Variants in RGS6 observed in about 807,000 individuals in gnomAD.
The protein encoded by RGS6 is regulator of G protein signaling 6, also known as regulator of G-protein signaling 6.
Under a neutral mutation model 78.5 loss-of-function variants are expected in RGS6, and 30 were observed. The observed-to-expected ratio is 0.38, with a 90% CI of 0.29 to 0.52. The LOEUF (loss-of-function observed/expected upper bound fraction) is 0.52. RGS6 is among the 20% of genes least tolerant of loss of function. The pLI is 0.85. For synonymous variants in RGS6, 206 were observed against 206.0 expected, an observed-to-expected ratio of 1.00 and a Z score of 0.00; for missense variants, 495 against 609.7, an observed-to-expected ratio of 0.81 and a Z score of 1.98.
the RGS6 span, among the ~76,000 whole-genome samples, chr14:71,907,405 T>C: frequency 2.0e-4 from 30 of 152,196 alleles, no homozygotes; most frequent in Non-Finnish European, 4.1e-4. Context: ...GCTGAGGCCC[T>C]GTGGGGCTGG....
intron 2 of RGS6, among the ~76,000 whole-genome samples, chr14:72,042,659 T>C (rs1004293485): frequency 3.3e-5 from 5 of 151,954 alleles, no homozygotes; most frequent in South Asian, 2.1e-4. Context: ...TTTTTTTTCA[T>C]GTTAAACATT....
rs137938126 is a variant in RGS6 at position 72,394,486 on chromosome 14, G to A, written c.184+42292G>A. On this transcript the variant is annotated intron_variant, in intron 3 of 17. Coordinates refer to ENST00000553525, the MANE Select transcript of RGS6 (RefSeq NM_001204424.2). ...CGTAAAAGACAGACATTCCTAGAGC[G>A]GCCATTTTAGAGACCTCCCACTAAG... 1.8e-3 allele frequency among the ~76,000 whole-genome samples: 276 copies of A among 152,202 alleles called. 1 individual carries two copies. Among genetic ancestry groups the A allele is most frequent in the African/African-American group, 6.2e-3 (258 of 41,516 alleles).
the RGS6 span, among the ~76,000 whole-genome samples, chr14:72,626,298 C>T: frequency 3.3e-5 from 5 of 152,048 alleles, no homozygotes; most frequent in African/African-American, 4.8e-5. Context: ...TTTTCTCTAC[C>T]CCATTCTCCC....
At chr14:72,027,704 A>G (rs2090141954) in intron 2 of RGS6, among the ~76,000 whole-genome samples, 1 of 152,208 alleles carries the variant, frequency 6.6e-6, no homozygotes. Context: ...CCTGCCCAAG[A>G]CAGAGTGGAG....
chr14:71,987,750 G>T (rs1482540932), intron 2 of RGS6, among the ~76,000 whole-genome samples: 1 of 151,922 alleles, frequency 6.6e-6, no homozygotes, highest in African/African-American at 2.4e-5. Context: ...TGAACTCCTG[G>T]GCTCAAGTAT....
the RGS6 span, among the ~76,000 whole-genome samples, chr14:72,574,391 C>A: frequency 6.6e-6 from 1 of 152,278 alleles, no homozygotes; most frequent in Admixed American, 6.5e-5. Flanking sequence ...AGTGACCACC[C>A]CAGCAACTGG....
intron 1 of RGS6, among the ~76,000 whole-genome samples, chr14:71,938,563 C>T (rs533069127): frequency 4.6e-5 from 7 of 152,274 alleles, no homozygotes; most frequent in East Asian, 1.9e-4. Context: ...CCCATGAGGC[C>T]GTGGGTGCAG....
intron 1 of RGS6, among the ~76,000 whole-genome samples, chr14:71,936,073 T>C (rs1226447460): frequency 7.9e-6 from 1 of 127,036 alleles, no homozygotes; most frequent in East Asian, 2.3e-4. Context: ...ATATATGCTA[T>C]ATATATGCTA....
At chr14:72,585,066 G>C in the RGS6 span, among the ~76,000 whole-genome samples, 9 of 151,010 alleles carry the variant, frequency 6.0e-5, no homozygotes, top group African/African-American at 2.2e-4. Context: ...AAAAAAAAAT[G>C]ATATGTGCTT....
intron 12 of RGS6, among the ~76,000 whole-genome samples, chr14:72,483,808 C>T (rs1048628229): frequency 6.6e-6 from 1 of 152,158 alleles, no homozygotes; most frequent in African/African-American, 2.4e-5. Flanking sequence ...AAGGGGCCTC[C>T]ATACCTGGCC....
chr14:72,477,568 G>A (rs191238530), intron 11 of RGS6, among the ~76,000 whole-genome samples: 2 of 152,166 alleles, frequency 1.3e-5, no homozygotes, highest in Admixed American at 1.3e-4. Context: ...GCTGAGGCAG[G>A]TGGATCATCT....
At chr14:72,156,559 A>G (rs1316690076) in intron 2 of RGS6, among the ~76,000 whole-genome samples, 1 of 152,036 alleles carries the variant, frequency 6.6e-6, no homozygotes, top group African/African-American at 2.4e-5. Context: ...ATTTGGTGGT[A>G]GCAGGAGTTT....
intron 2 of RGS6, among the ~76,000 whole-genome samples, chr14:72,090,489 G>A (rs1252117305): frequency 2.0e-5 from 3 of 152,170 alleles, no homozygotes; most frequent in Admixed American, 2.0e-4. Context: ...TCTAATGCCT[G>A]GTGGTCTGTC....
intron 2 of RGS6, among the ~76,000 whole-genome samples, chr14:72,268,340 T>TTTTC (rs575770379): frequency 7.2e-5 from 11 of 152,192 alleles, no homozygotes; most frequent in Non-Finnish European, 1.5e-4. Flanking sequence ...TTCTGTAATG[T>TTTTC]TTTCTTTCTT....
At chr14:72,105,110 C>T (rs2095606587) in intron 2 of RGS6, among the ~76,000 whole-genome samples, 1 of 152,130 alleles carries the variant, frequency 6.6e-6, no homozygotes, top group South Asian at 2.1e-4. Context: ...CATGAAGTTG[C>T]ATGTATTGAG....
chr14:72,066,559 AG>A (rs2094157326), intron 2 of RGS6, among the ~76,000 whole-genome samples: 1 of 146,880 alleles, frequency 6.8e-6, no homozygotes, highest in East Asian at 2.0e-4. Flanking sequence ...CTTTTCAAAG[AG>A]TGGCATCTCC....
chr14:72,050,048 C>T (rs566510745), intron 2 of RGS6, among the ~76,000 whole-genome samples: 37 of 152,166 alleles, frequency 2.4e-4, no homozygotes, highest in Admixed American at 8.5e-4. Flanking sequence ...AGACAGTAAA[C>T]TTGTCTCTAT....
intron 2 of RGS6, among the ~76,000 whole-genome samples, chr14:72,078,419 C>CT (rs202172431): frequency 1.3e-3 from 192 of 148,348 alleles, no homozygotes; most frequent in Admixed American, 3.6e-3. Flanking sequence ...TTCTTTCTTT[C>CT]TTTTTTTTTT....
chr14:72,549,199 G>A (rs1158573498), intron 17 of RGS6, among the ~76,000 whole-genome samples: 1 of 152,042 alleles, frequency 6.6e-6, no homozygotes, highest in Non-Finnish European at 1.5e-5. Context: ...TCAGGAAGTG[G>A]AATTACTGCC....
Sources: allele counts gnomAD v4.1 joint callset (sites outside exome capture counted in the v4.1 genomes callset), GRCh38; gene constraint gnomAD v4.1.1; transcripts MANE v1.5; gene names NCBI Gene and HGNC (gene_info 2026-07-23, HGNC 2026-07-21).